Variants in TLL2 observed in about 807,000 individuals in gnomAD.
The protein encoded by TLL2 is tolloid like 2.
In TLL2, 106 loss-of-function variants were observed where a neutral mutation model predicts 123.0. The observed-to-expected ratio is 0.86, with a 90% confidence interval of 0.74 to 1.01. The LOEUF (loss-of-function observed/expected upper bound fraction) is 1.01, where lower values mean the gene tolerates loss of function less well. Ranked by LOEUF, TLL2 falls within the 50% of genes least tolerant of loss-of-function variation. The pLI is 0.00. For synonymous variants in TLL2, 494 were observed against 516.8 expected (o/e 0.96, Z 0.60); for missense variants, 1,332 against 1,336.7 (o/e 1.00, Z 0.06).
chr10:96,395,886 G>C lies in TLL2; in HGVS notation c.1519C>G (p.Gln507Glu). The C allele has an allele frequency of 6.2e-7, 1 of 1,614,194 alleles. No homozygotes were observed. Among genetic ancestry groups the C allele is most frequent in the Non-Finnish European group, 8.5e-7 (1 of 1,180,030 alleles). Reference protein sequence around the residue: ...SEGFHVGLTFQAFEIERHDSC... With the variant: ...SEGFHVGLTFEAFEIERHDSC... ...TGAGCAGCACTCACCTCAAAAGCTTGGAAGGTAAGTCCCACGTGAAACCCC... is the reference window on the plus strand; with the variant it reads ...TGAGCAGCACTCACCTCAAAAGCTTCGAAGGTAAGTCCCACGTGAAACCCC... Residue 507 changes from glutamine (Q) to glutamate (E), a missense_variant, in exon 12 of 21, where the codon CAA becomes GAA. Coordinates refer to ENST00000357947, the MANE Select transcript of TLL2 (RefSeq NM_012465.4).
intron 1 of TLL2, among the ~76,000 whole-genome samples, chr10:96,482,322 C>T (rs1458341353): frequency 6.6e-6 from 1 of 151,796 alleles, no homozygotes; most frequent in Non-Finnish European, 1.5e-5. Flanking sequence ...AATTCAACTC[C>T]TAGGGATCTT....
At chr10:96,430,204 T>C (rs1846723503) in intron 4 of TLL2, among the ~76,000 whole-genome samples, 1 of 152,170 alleles carries the variant, frequency 6.6e-6, no homozygotes, top group African/African-American at 2.4e-5. Flanking sequence ...AAGAAGGGCT[T>C]AGTGCCATCC....
intron 10 of TLL2, 135 bp downstream of exon 10, chr10:96,405,097 T>A (rs1846436843): frequency 2.7e-6 from 2 of 740,610 alleles, no homozygotes; most frequent in African/African-American, 3.5e-5. Context: ...CCAAATGGAG[T>A]GCTCAGAGTT....
At chr10:96,480,305 C>T in intron 2 of TLL2, 44 bp downstream of exon 2, 1 of 1,526,520 alleles carries the variant, frequency 6.6e-7, no homozygotes. Flanking sequence ...TGAAGTCCCT[C>T]ATCCCTCCCA....
intron 2 of TLL2, among the ~76,000 whole-genome samples, chr10:96,451,088 G>A (rs1328186666): frequency 1.3e-5 from 2 of 152,160 alleles, no homozygotes; most frequent in African/African-American, 2.4e-5. Context: ...AGAGGTCAGC[G>A]GCCCGTGATG....
chr10:96,373,516 G>T, intron 19 of TLL2, 80 bp downstream of exon 19: 1 of 1,361,016 alleles, frequency 7.3e-7, no homozygotes, highest in Non-Finnish European at 1.0e-6. Flanking sequence ...ATAAAAGGCA[G>T]TCCTTGTCGT....
intron 10 of TLL2, among the ~76,000 whole-genome samples, chr10:96,399,311 T>C (rs1334603898): frequency 1.3e-5 from 2 of 152,192 alleles, no homozygotes; most frequent in African/African-American, 4.8e-5. Flanking sequence ...TTCACAGATA[T>C]GTCACGGGTA....
At chr10:96,437,299 AT>A (rs1324637731) in intron 3 of TLL2, among the ~76,000 whole-genome samples, 6 of 152,280 alleles carry the variant, frequency 3.9e-5, no homozygotes, top group African/African-American at 1.4e-4. Context: ...CAGATATTTC[AT>A]TTCCTCTAAT....
intron 1 of TLL2, among the ~76,000 whole-genome samples, chr10:96,509,748 T>C (rs1254480476): frequency 1.3e-5 from 2 of 152,126 alleles, no homozygotes; most frequent in African/African-American, 2.4e-5. Context: ...GAGATTGAGA[T>C]CATCCAGGAT....
chr10:96,416,691 G>A lies in TLL2; in HGVS notation c.924-3375C>T, dbSNP rs571557905. 1.0e-3 allele frequency among the ~76,000 whole-genome samples: 154 copies of A among 152,324 alleles called. 2 individuals carry two copies. Among genetic ancestry groups the A allele is most frequent in the Non-Finnish European group, 1.7e-3 (118 of 68,026 alleles). On this transcript the variant is annotated intron_variant, in intron 7 of 20. Transcript: ENST00000357947. The stretch of plus-strand genomic sequence containing the variant: ...CAGGAACAACATTGGCTCACACTCA[G>A]ACCGCTCTTTGGTGCTGGACGTCCT...
chr10:96,489,027 C>T (rs1033693533), intron 1 of TLL2, among the ~76,000 whole-genome samples: 1 of 152,192 alleles, frequency 6.6e-6, no homozygotes, highest in African/African-American at 2.4e-5. Context: ...AAGTTCAAAA[C>T]CAACATAGCC....
intron 1 of TLL2, among the ~76,000 whole-genome samples, chr10:96,499,401 T>A (rs535382112): frequency 6.6e-6 from 1 of 152,332 alleles, no homozygotes; most frequent in Admixed American, 6.5e-5. Context: ...ATTTTTGTTT[T>A]CTTTAGTGTT....
intron 3 of TLL2, among the ~76,000 whole-genome samples, chr10:96,436,007 C>A (rs7081009): frequency 3.9e-5 from 6 of 152,220 alleles, no homozygotes; most frequent in African/African-American, 1.2e-4. Flanking sequence ...ATTTGTTTCT[C>A]TGTGTGTGTT....
At chr10:96,481,149 T>C (rs1421383724) in intron 1 of TLL2, among the ~76,000 whole-genome samples, 1 of 41,290 alleles carries the variant, frequency 2.4e-5, no homozygotes, top group Non-Finnish European at 5.2e-5. Flanking sequence ...GGGGATGGAT[T>C]TTTTTTTTTT....
chr10:96,462,560 C>T (rs1847091682), intron 2 of TLL2, among the ~76,000 whole-genome samples: 1 of 152,180 alleles, frequency 6.6e-6, no homozygotes, highest in African/African-American at 2.4e-5. Context: ...ACAGTACTGT[C>T]TACTATATAC....
At chr10:96,491,193 C>G (rs987968744) in intron 1 of TLL2, among the ~76,000 whole-genome samples, 7 of 152,168 alleles carry the variant, frequency 4.6e-5, no homozygotes, top group South Asian at 2.1e-4. Flanking sequence ...CCAGCCTGGC[C>G]AAAACGGTGA....
In TLL2 at chr10:96,405,332, G is replaced by T; in HGVS notation, c.1167C>A (p.Ile389=). 6.2e-7 allele frequency: 1 copy of T among 1,613,802 alleles called. No homozygotes were observed. ...WRISVTPGEK[I]VLNFTSMDLF... is the part of the protein sequence containing the mutation. Reference sequence around the variant, plus strand: ...AATCCATGGATGTGAAGTTTAATACGATCTGTAAAGAATTACCATAAAGTG... The same window carrying T: ...AATCCATGGATGTGAAGTTTAATACTATCTGTAAAGAATTACCATAAAGTG... Residue 389 remains isoleucine (I), a splice_region_variant and synonymous_variant, in exon 10 of 21, where the codon ATC becomes ATA. Coordinates refer to ENST00000357947, the MANE Select transcript of TLL2 (RefSeq NM_012465.4).
At position 96,376,745 on chromosome 10, in the gene TLL2, G is replaced by A. The variant is rs372644801; in HGVS notation, c.2395C>T (p.Arg799Trp). The change falls in exon 18 of 21, where the codon CGG becomes TGG. Residue 799 changes from arginine (R) to tryptophan (W), a missense_variant. Coordinates refer to ENST00000357947, the MANE Select transcript of TLL2 (RefSeq NM_012465.4). ...SPNWPDKYPS[R>W]RECTWNISST... Reference sequence around the variant, plus strand: ...GAGATGTTCCAGGTACACTCCCTCCGGCTGGGGTATTTGTCAGGCCAGTTG... The same window carrying A: ...GAGATGTTCCAGGTACACTCCCTCCAGCTGGGGTATTTGTCAGGCCAGTTG... 9.3e-6 allele frequency: 15 copies of A among 1,605,960 alleles called. No individual in the cohort carries two copies. The highest frequency in any genetic ancestry group is 1.7e-5 in the Admixed American group (1 of 58,682).
chr10:96,449,190 G>T (rs1028641806), intron 2 of TLL2, among the ~76,000 whole-genome samples: 6 of 152,314 alleles, frequency 3.9e-5, no homozygotes, highest in African/African-American at 1.4e-4. Flanking sequence ...AGCTCCAAGA[G>T]GTGAAATGAC....
Sources: gnomAD v4.1 joint callset for allele counts (sites outside exome capture counted in the v4.1 genomes callset) on GRCh38, gnomAD v4.1.1 for gene constraint, MANE v1.5 for transcripts, NCBI Gene and HGNC (gene_info 2026-07-23, HGNC 2026-07-21) for gene names.